The following MMAB variants were observed in gnomAD, a reference collection of about 807,000 sequenced individuals.
The protein encoded by MMAB is metabolism of cobalamin associated B, also known as corrinoid adenosyltransferase MMAB.
In MMAB, 17 loss-of-function variants were observed where a neutral mutation model predicts 30.6. The observed-to-expected ratio is 0.56, with a 90% CI of 0.38 to 0.83. The LOEUF is 0.83. MMAB is among the 40% of genes least tolerant of loss of function. The pLI, the probability that MMAB is intolerant of heterozygous loss-of-function variation, is 0.00. For missense variants in MMAB, 311 were observed against 331.6 expected, an observed-to-expected ratio of 0.94 and a Z score of 0.48; for synonymous variants, 134 against 138.6, an observed-to-expected ratio of 0.97 and a Z score of 0.23.
chr12:109,571,132 T>C (rs796594654), intron 2 of MMAB, among the ~76,000 whole-genome samples: 10 of 152,318 alleles, frequency 6.6e-5, no homozygotes, highest in African/African-American at 2.4e-4. Context: ...TATATGTACA[T>C]GCTTATCCAG....
At position 109,554,830 on chromosome 12, in the gene MMAB, C is replaced by T; in HGVS notation, c.*2198G>A. ...CACCCCATCCTTCCAGCCCCCAAAGCAAGCTTTCTCCATTTTTCCCAGGTT... is the reference window on the plus strand; with the variant it reads ...CACCCCATCCTTCCAGCCCCCAAAGTAAGCTTTCTCCATTTTTCCCAGGTT... On this transcript the variant is annotated 3_prime_UTR_variant, in exon 9 of 9. Coordinates refer to ENST00000545712, the MANE Select transcript of MMAB (RefSeq NM_052845.4). The T allele has an allele frequency of 2.2e-6, 1 of 454,002 alleles. No homozygotes were observed. The allele number at this position is 454,002 out of a possible 1,614,324, so 28.1% of individuals were successfully genotyped here. A position where few individuals can be genotyped will look rare whatever the true frequency, so the allele number is the denominator to read the frequency against.
rs2287183 is a variant in MMAB at position 109,559,329 on chromosome 12, C to T, written c.585-174G>A. 0.081 allele frequency among the ~76,000 whole-genome samples: 12,380 copies of T among 152,254 alleles called. 1,165 individuals carry two copies. Among genetic ancestry groups the T allele is most frequent in the African/African-American group, 0.23 (9,384 of 41,510 alleles). ...TCACAGGTGGGTTTAAACAGGCCAT[C>T]GGCCCCCTTTCCACCAGCACATCGC... On this transcript the variant is annotated intron_variant, in intron 7 of 8. Coordinates refer to ENST00000545712, the MANE Select transcript of MMAB (RefSeq NM_052845.4).
chr12:109,571,636 G>T lies in MMAB; in HGVS notation c.196+13C>A. 1 of 1,612,962 alleles carries T rather than the reference G, an allele frequency of 6.2e-7. No individual in the cohort carries two copies. The highest frequency in any genetic ancestry group is 8.5e-7 in the Non-Finnish European group (1 of 1,178,926). On this transcript the variant is annotated intron_variant, in intron 2 of 8. Transcript: ENST00000545712. ...GAGTATTTCTTTGCATTTTTCACCT[G>T]TCCCCACCCTACCTTTGTCTCCCGT...
chr12:109,564,812 A>G, intron 4 of MMAB: 1 of 481,524 alleles, frequency 2.1e-6, no homozygotes, highest in South Asian at 2.1e-5. Flanking sequence ...CTGAGTAGCT[A>G]AGGCTACAGG....
rs748268481 is a variant in MMAB, at chr12:109,554,939, A to C, written c.*2089T>G. 1.3e-5 allele frequency: 6 copies of C among 454,136 alleles called. No individual in the cohort carries two copies. The highest frequency in any genetic ancestry group is 6.2e-5 in the South Asian group (4 of 64,480). The allele number at this position is 454,136 out of a possible 1,614,324, so 28.1% of individuals were successfully genotyped here. ...TTCTCAGAGAAGTGTTTGCTGGTGA[A>C]CCGGGAGACAGATACAGAGGCGGGG... On this transcript the variant is annotated 3_prime_UTR_variant, in exon 9 of 9. Coordinates refer to ENST00000545712, the MANE Select transcript of MMAB (RefSeq NM_052845.4).
rs186864802 is a variant in MMAB at position 109,557,049 on chromosome 12, C to T, written c.732G>A (p.Ser244=). 5.0e-5 allele frequency: 81 copies of T among 1,612,444 alleles called. No individual in the cohort carries two copies. The Admixed American group carries it at 5.2e-4, about 10-fold the overall frequency. Residue 244 remains serine (S), a synonymous_variant, in exon 9 of 9, where the codon TCG becomes TCA. Coordinates refer to ENST00000545712, the MANE Select transcript of MMAB (RefSeq NM_052845.4). ...GATTTCAGAGTCCCTCAGACTCGGC[C>T]GATGGGTCATTTTTCATGTATATTT... ...QEKIYMKNDP[S]AESEGL
chr12:109,559,180 C>G, intron 7 of MMAB, 25 bp from the exon 8 acceptor site: 1 of 1,592,152 alleles, frequency 6.3e-7, no homozygotes, highest in Non-Finnish European at 8.6e-7. Flanking sequence ...GACACTGAGT[C>G]ACGTGACATT....
rs1883878156 is a variant in MMAB, at chr12:109,553,941, G to T, written c.*3087C>A. ...TTGGGATGTGTTACAAGTTCGGGCT[G>T]TGGAAATTACTCGATGAAAAACGCA... is the stretch of plus-strand genomic sequence containing the variant. On this transcript the variant is annotated 3_prime_UTR_variant, in exon 9 of 9. Transcript: ENST00000545712. 2.2e-6 allele frequency: 1 copy of T among 454,052 alleles called. No individual in the cohort carries two copies. The highest frequency in any genetic ancestry group is 4.4e-6 in the Non-Finnish European group (1 of 226,788). 28.1% of individuals were successfully genotyped at this position (454,052 alleles called of 1,614,324 possible). A position where few individuals can be genotyped will look rare whatever the true frequency, so the allele number is the denominator to read the frequency against.
At position 109,556,843 on chromosome 12, in the gene MMAB, C is replaced by A. The variant is rs768287769; in HGVS notation, c.*185G>T. The A allele has an allele frequency of 2.9e-6, 2 of 681,706 alleles. No individual in the cohort carries two copies. The highest frequency in any genetic ancestry group is 1.5e-5 in the South Asian group (1 of 66,510). 42.2% of individuals were successfully genotyped at this position (681,706 alleles called of 1,614,324 possible). A position where few individuals can be genotyped will look rare whatever the true frequency, so the allele number is the denominator to read the frequency against. On this transcript the variant is annotated 3_prime_UTR_variant, in exon 9 of 9. Transcript: ENST00000545712. The stretch of plus-strand genomic sequence containing the variant: ...GGGGAAGCAGGGTCAGGGACAGAAT[C>A]CCCAAAGGGTCACAGTCCCTTGAGG...
chr12:109,568,863 C>T lies in MMAB; in HGVS notation c.197G>A (p.Gly66Glu), dbSNP rs1360503313. 6.2e-7 allele frequency: 1 copy of T among 1,612,240 alleles called. No homozygotes were observed. The highest frequency in any genetic ancestry group is 1.3e-5 in the African/African-American group (1 of 74,806). ...TTCTCCTGTGAAGGTACTAGAAAAC[C>T]CTGTGGAAAAAAATGTTTAGCCACC... ...PKIYTKTGDKGFSSTFTGERR... is the reference protein window; with the variant it reads ...PKIYTKTGDKEFSSTFTGERR... The change falls in exon 3 of 9, where the codon GGG becomes GAG. Residue 66 changes from glycine to glutamate, a missense_variant and splice_region_variant. By Grantham distance (98) the Gly-to-Glu change is moderately conservative. Transcript: ENST00000545712.
At chr12:109,571,550 T>G in intron 2 of MMAB, 99 bp downstream of exon 2, 1 of 1,133,632 alleles carries the variant, frequency 8.8e-7, no homozygotes, top group East Asian at 2.4e-5. Flanking sequence ...CCGCGCCTGG[T>G]ATATTATACT....
intron 1 of MMAB, among the ~76,000 whole-genome samples, chr12:109,572,072 C>A (rs545524746): frequency 6.6e-6 from 1 of 152,244 alleles, no homozygotes; most frequent in Admixed American, 6.5e-5. Context: ...CTTTCCACAA[C>A]CCCAAAGGTA....
intron 3 of MMAB, 82 bp from the exon 4 acceptor site, chr12:109,565,258 T>G: frequency 9.5e-7 from 1 of 1,054,812 alleles, no homozygotes; most frequent in Non-Finnish European, 1.5e-6. Flanking sequence ...GATTCTCAGG[T>G]GGCAGGCCAT....
At chr12:109,571,248 T>C (rs1593005720) in intron 2 of MMAB, among the ~76,000 whole-genome samples, 1 of 152,202 alleles carries the variant, frequency 6.6e-6, no homozygotes, top group Non-Finnish European at 1.5e-5. Flanking sequence ...TTTTTTTTTC[T>C]GAGACTTTTT....
In MMAB at chr12:109,561,123, A is replaced by G. The variant is rs1884182442; in HGVS notation, c.520-19T>C. 9.9e-6 allele frequency: 16 copies of G among 1,608,240 alleles called. No homozygotes were observed. Among genetic ancestry groups the G allele is most frequent in the Non-Finnish European group, 1.3e-5 (15 of 1,179,968 alleles). On this transcript the variant is annotated intron_variant, in intron 6 of 8. Coordinates refer to ENST00000545712, the MANE Select transcript of MMAB (RefSeq NM_052845.4). This position sits in a 1 kb window ranked among gnomAD's most constrained non-coding sequence, Gnocchi z 5.3. ...CTCCCGACTGAAAGGAGAAAGGGACATTGCCTGAGCAGGGTGGGAAAGGTG... is the reference window on the plus strand; with the variant it reads ...CTCCCGACTGAAAGGAGAAAGGGACGTTGCCTGAGCAGGGTGGGAAAGGTG...
chr12:109,562,710 A>G (rs1166246644), intron 4 of MMAB, among the ~76,000 whole-genome samples: 1 of 152,244 alleles, frequency 6.6e-6, no homozygotes. Context: ...TCTAAACTCT[A>G]AAGGACAAGG....
rs767997939 is a variant in MMAB at position 109,561,717 on chromosome 12, T to C, written c.421+63A>G. On this transcript the variant is annotated intron_variant, in intron 5 of 8. Coordinates refer to ENST00000545712, the MANE Select transcript of MMAB (RefSeq NM_052845.4). The surrounding 1 kb of genome is among the most constrained non-coding windows in gnomAD (Gnocchi z 5.3). ...CCTGGGGGCCTGGGATCCCAGATGG[T>C]GACCCTAGGAGAGTCCCCTGACCCT... The C allele has an allele frequency of 6.1e-6, 9 of 1,464,632 alleles. No individual in the cohort carries two copies. The highest frequency in any genetic ancestry group is 8.4e-6 in the Non-Finnish European group (9 of 1,065,540). 90.7% of individuals were successfully genotyped at this position (1,464,632 alleles called of 1,614,324 possible). A position where few individuals can be genotyped will look rare whatever the true frequency, so the allele number is the denominator to read the frequency against.
rs1555273932 is a variant in MMAB, at chr12:109,556,646, T to TCACACA, written c.*381_*382insTGTGTG. ...CTGAGCTGGCAGTGGGAGGGCTCTC[T>TCACACA]CTCACACACACACACACACACACAC... On this transcript the variant is annotated 3_prime_UTR_variant, in exon 9 of 9. Transcript: ENST00000545712. 83 of 427,876 alleles carry TCACACA rather than the reference T, an allele frequency of 1.9e-4. 1 individual carries two copies. Among genetic ancestry groups the TCACACA allele is most frequent in the East Asian group, 1.5e-3 (21 of 13,832 alleles). The allele number at this position is 427,876 out of a possible 1,614,324, so 26.5% of individuals were successfully genotyped here.
Position 109,559,134 on chromosome 12 carries a change from C to A in MMAB, c.606G>T (p.Met202Ile). The A allele has an allele frequency of 1.2e-6, 2 of 1,613,880 alleles. No homozygotes were observed. The highest frequency in any genetic ancestry group is 1.7e-6 in the Non-Finnish European group (2 of 1,179,862). The change falls in exon 8 of 9, where the codon ATG becomes ATT. Residue 202 changes from methionine (M) to isoleucine (I), a missense_variant. Physicochemically the swap from Met to Ile is conservative, Grantham distance 10. Coordinates refer to ENST00000545712, the MANE Select transcript of MMAB (RefSeq NM_052845.4). ...AERRVVPLVQ[M>I]GETDANVAKF... is the part of the protein sequence containing the mutation. ...TGGCCACGTTCGCATCGGTCTCTCC[C>A]ATCTGGACAAGAGGCACCACACTAG...
Sources: gnomAD v4.1 joint callset for allele counts (sites outside exome capture counted in the v4.1 genomes callset) on GRCh38, gnomAD v4.1.1 for gene constraint, Gnocchi (gnomAD v3.1) non-coding constraint, MANE v1.5 for transcripts, NCBI Gene and HGNC (gene_info 2026-07-23, HGNC 2026-07-21) for gene names.